The following CTNNA2 variants were observed in gnomAD, a reference collection of about 807,000 sequenced individuals.
CTNNA2 encodes catenin alpha-2.
CTNNA2 carries 42 observed loss-of-function variants against 101.0 expected under a neutral mutation model. The observed-to-expected ratio is 0.42, with a 90% CI of 0.32 to 0.54. CTNNA2 has a LOEUF of 0.54. Ranked by LOEUF, CTNNA2 falls within the 20% of genes least tolerant of loss-of-function variation. The probability of loss-of-function intolerance (pLI) is 0.14; values close to 1 mark genes in which losing one functional copy is unlikely to be tolerated. For missense variants in CTNNA2, 871 were observed against 1,223.1 expected, an observed-to-expected ratio of 0.71 and a Z score of 4.29; for synonymous variants, 450 against 456.4, an observed-to-expected ratio of 0.99 and a Z score of 0.18.
chr2:80,497,824 A>G (rs995836653), intron 9 of CTNNA2, among the ~76,000 whole-genome samples: 2 of 152,184 alleles, frequency 1.3e-5, no homozygotes, highest in Non-Finnish European at 2.9e-5. Flanking sequence ...GCCAGCAAGA[A>G]AGTGGGAAGC....
chr2:80,587,651 G>A (rs1696091573), intron 14 of CTNNA2, among the ~76,000 whole-genome samples: 1 of 152,090 alleles, frequency 6.6e-6, no homozygotes, highest in Non-Finnish European at 1.5e-5. Context: ...CTTAGTTATA[G>A]TCCTTCCAAA....
chr2:79,847,316 G>T (rs531967250), intron 3 of CTNNA2, among the ~76,000 whole-genome samples: 1 of 151,912 alleles, frequency 6.6e-6, no homozygotes, highest in African/African-American at 2.4e-5. Context: ...AGGCTGAGGC[G>T]AGTGGATCAC....
At chr2:80,389,890 A>T (rs887891259) in intron 7 of CTNNA2, among the ~76,000 whole-genome samples, 10 of 152,186 alleles carry the variant, frequency 6.6e-5, no homozygotes, top group African/African-American at 2.4e-4. Flanking sequence ...GAAACCCAGG[A>T]TCACAAATAT....
chr2:79,517,266 A>G (rs59852135), intron 1 of CTNNA2, among the ~76,000 whole-genome samples: 33,567 of 152,148 alleles, frequency 0.22, 4,048 homozygotes, highest in Middle Eastern at 0.34. Flanking sequence ...TTATTCAAAA[A>G]TGGATTTCCA....
intron 7 of CTNNA2, among the ~76,000 whole-genome samples, chr2:80,119,293 C>T (rs1375676703): frequency 6.6e-6 from 1 of 152,186 alleles, no homozygotes; most frequent in Non-Finnish European, 1.5e-5. Context: ...CCCTGACTCT[C>T]TCCCTGACAT....
intron 4 of CTNNA2, among the ~76,000 whole-genome samples, chr2:79,434,516 C>T (rs1678692827): frequency 6.6e-6 from 1 of 152,082 alleles, no homozygotes; most frequent in Non-Finnish European, 1.5e-5. Context: ...TTCCTAATGC[C>T]AATGGACGCC....
At chr2:79,340,758 C>T (rs557022581) in intron 3 of CTNNA2, among the ~76,000 whole-genome samples, 231 of 135,012 alleles carry the variant, frequency 1.7e-3, no homozygotes, top group Non-Finnish European at 1.8e-3. Context: ...GGCCTGAACC[C>T]GGGAGGCGGA....
intron 3 of CTNNA2, among the ~76,000 whole-genome samples, chr2:79,851,105 C>T (rs1421700794): frequency 6.6e-6 from 1 of 152,226 alleles, no homozygotes; most frequent in Non-Finnish European, 1.5e-5. Flanking sequence ...TATCAAAGAA[C>T]CACTCACTTA....
At position 80,555,792 on chromosome 2, in the gene CTNNA2, C is replaced by A; in HGVS notation, c.1640C>A (p.Ala547Glu). 2 of 1,600,208 alleles carry A rather than the reference C, an allele frequency of 1.2e-6. No homozygotes were observed. The highest frequency in any genetic ancestry group is 1.7e-6 in the Non-Finnish European group (2 of 1,173,434). Residue 547 changes from alanine (A) to glutamate (E), a missense_variant, in exon 12 of 19, where the codon GCA becomes GAA. This residue lies in a region of CTNNA2 where 647 missense variants were observed against 831.5 expected (regional missense o/e 0.78). Coordinates refer to ENST00000402739, the MANE Select transcript of CTNNA2 (RefSeq NM_001282597.3). ...ACTGCAGGGGCCATCAGGGGCCGGGCAGCTCGAGTCATACACATCATCAAT... is the reference window on the plus strand; with the variant it reads ...ACTGCAGGGGCCATCAGGGGCCGGGAAGCTCGAGTCATACACATCATCAAT... The part of the protein sequence containing the change: ...DRTAGAIRGR[A>E]ARVIHIINAE...
chr2:79,652,449 C>G (rs1681327686), intron 2 of CTNNA2, among the ~76,000 whole-genome samples: 1 of 152,028 alleles, frequency 6.6e-6, no homozygotes. Flanking sequence ...TTCTAGAAAC[C>G]ACATCACTTC....
At chr2:79,900,218 G>A (rs1305818280) in intron 6 of CTNNA2, among the ~76,000 whole-genome samples, 1 of 151,984 alleles carries the variant, frequency 6.6e-6, no homozygotes, top group Non-Finnish European at 1.5e-5. Flanking sequence ...CTGTTTATAG[G>A]CATTTTAATG....
intron 7 of CTNNA2, among the ~76,000 whole-genome samples, chr2:79,933,293 A>G (rs1446358273): frequency 1.3e-5 from 2 of 152,264 alleles, no homozygotes; most frequent in South Asian, 2.1e-4. Flanking sequence ...TGTACCCACC[A>G]TGTTACGGGC....
intron 11 of CTNNA2, among the ~76,000 whole-genome samples, chr2:80,552,080 G>A (rs537361099): frequency 7.9e-5 from 12 of 152,166 alleles, no homozygotes; most frequent in African/African-American, 1.4e-4. Context: ...TGGAGCAGGC[G>A]GAACACGCCC....
At chr2:79,639,538 T>TA (rs1680304086) in intron 1 of CTNNA2, among the ~76,000 whole-genome samples, 1 of 152,190 alleles carries the variant, frequency 6.6e-6, no homozygotes, top group Non-Finnish European at 1.5e-5. Flanking sequence ...TTTGAGTTTC[T>TA]AATGCATTCT....
At chr2:79,455,433 A>G (rs558086102) in intron 4 of CTNNA2, among the ~76,000 whole-genome samples, 4 of 152,226 alleles carry the variant, frequency 2.6e-5, no homozygotes, top group African/African-American at 9.6e-5. Flanking sequence ...TCCCATGGCC[A>G]AAGGTCTCGG....
chr2:80,313,898 A>G (rs185842189), intron 7 of CTNNA2, among the ~76,000 whole-genome samples: 1 of 152,312 alleles, frequency 6.6e-6, no homozygotes, highest in East Asian at 1.9e-4. Context: ...CAGCAGGTGC[A>G]ATAATAGCTC....
At chr2:79,485,026 A>G (rs1235488856) in intron 4 of CTNNA2, among the ~76,000 whole-genome samples, 2 of 152,176 alleles carry the variant, frequency 1.3e-5, no homozygotes, top group Admixed American at 1.3e-4. Context: ...TAAAACAGAT[A>G]TACCATAGAT....
At chr2:80,121,564 C>T (rs1701834381) in intron 7 of CTNNA2, among the ~76,000 whole-genome samples, 1 of 151,992 alleles carries the variant, frequency 6.6e-6, no homozygotes, top group Non-Finnish European at 1.5e-5. Context: ...CCTAAGAAAA[C>T]CTAAAATGGC....
intron 7 of CTNNA2, among the ~76,000 whole-genome samples, chr2:79,966,405 T>C (rs1690063990): frequency 6.6e-6 from 1 of 152,102 alleles, no homozygotes; most frequent in Non-Finnish European, 1.5e-5. Flanking sequence ...CAAGCTATTA[T>C]TTTTATTTTT....
Sources: gnomAD v4.1 joint callset for allele counts (sites outside exome capture counted in the v4.1 genomes callset) on GRCh38, gnomAD v4.1.1 for gene constraint, gnomAD v4.1.1 regional missense constraint, MANE v1.5 for transcripts, NCBI Gene and HGNC (gene_info 2026-07-23, HGNC 2026-07-21) for gene names.